Variants in AGBL1 observed in about 807,000 individuals in gnomAD.
AGBL1 encodes the protein AGBL carboxypeptidase 1.
In AGBL1, 130 loss-of-function variants were observed where a neutral mutation model predicts 118.9. The ratio of observed to expected loss-of-function variants is 1.09; its 90% CI spans 0.95 to 1.26. The LOEUF is 1.26. Among genes scored for constraint, AGBL1 ranks in the 50% most tolerant of loss-of-function variants. The probability of loss-of-function intolerance (pLI) is 0.00; values close to 1 mark genes in which losing one functional copy is unlikely to be tolerated. For synonymous variants in AGBL1, 555 were observed against 478.9 expected, an observed-to-expected ratio of 1.16 and a Z score of -2.08; for missense variants, 1,584 against 1,298.1, an observed-to-expected ratio of 1.22 and a Z score of -3.38.
chr15:86,683,019 G>A (rs991211332), intron 22 of AGBL1, among the ~76,000 whole-genome samples: 2 of 152,088 alleles, frequency 1.3e-5, no homozygotes, highest in African/African-American at 4.8e-5. Flanking sequence ...CTAACTCCAT[G>A]GCTCAAGTTC....
chr15:86,516,793 C>CAAAAA (rs3084324), intron 18 of AGBL1, among the ~76,000 whole-genome samples: 1 of 99,216 alleles, frequency 1.0e-5, no homozygotes, highest in African/African-American at 4.1e-5. Context: ...AACTCCATCT[C>CAAAAA]AAAAAAAAAA....
intron 17 of AGBL1, among the ~76,000 whole-genome samples, chr15:86,297,671 A>G (rs961728767): frequency 2.0e-5 from 3 of 152,140 alleles, no homozygotes; most frequent in Admixed American, 6.5e-5. Context: ...TGAAAATACT[A>G]TTTGTATGGA....
intron 22 of AGBL1, among the ~76,000 whole-genome samples, chr15:86,816,376 C>A (rs2078858543): frequency 6.6e-6 from 1 of 152,132 alleles, no homozygotes; most frequent in Non-Finnish European, 1.5e-5. Flanking sequence ...ACATTTGCAC[C>A]CGGCTATTTC....
In AGBL1 at chr15:86,271,701, T is replaced by C. The variant is rs780007421; in HGVS notation, c.2070T>C (p.Tyr690=). ...TAAGGACAGGCCATGAAATATGTTA[T>C]TACAAGTAAGTTAGAGCGCTGTTAG... ...TWIRTGHEIC[Y]YKNHYRQSTA... is the part of the protein sequence containing the mutation. The change falls in exon 15 of 23, where the codon TAT becomes TAC. Residue 690 remains tyrosine (Y), a synonymous_variant. Transcript: ENST00000614907. 5 of 1,612,008 alleles carry C rather than the reference T, an allele frequency of 3.1e-6. No individual in the cohort carries two copies. The East Asian group carries it at 8.9e-5, about 29-fold the overall frequency.
intron 17 of AGBL1, among the ~76,000 whole-genome samples, chr15:86,307,631 G>C (rs1195507435): frequency 1.3e-5 from 2 of 152,036 alleles, no homozygotes; most frequent in African/African-American, 4.8e-5. Context: ...GCAGCATAGG[G>C]TGGCGTGTGC....
chr15:86,875,691 T>C (rs1285857066), intron 22 of AGBL1, among the ~76,000 whole-genome samples: 8 of 152,182 alleles, frequency 5.3e-5, no homozygotes, highest in Non-Finnish European at 8.8e-5. Context: ...GGCCTCCATG[T>C]TCAAAGGCTG....
At chr15:86,892,098 G>A (rs1172190392) in intron 22 of AGBL1, among the ~76,000 whole-genome samples, 1 of 152,108 alleles carries the variant, frequency 6.6e-6, no homozygotes, top group African/African-American at 2.4e-5. Flanking sequence ...AGCACTTGCT[G>A]ATGAATTGAT....
At chr15:86,983,966 A>T (rs1040656423) in intron 23 of AGBL1, among the ~76,000 whole-genome samples, 1 of 152,128 alleles carries the variant, frequency 6.6e-6, no homozygotes, top group Non-Finnish European at 1.5e-5. Flanking sequence ...TTTCTTATTA[A>T]TTTGGATCCT....
chr15:86,707,796 A>G (rs1596389963), intron 22 of AGBL1, among the ~76,000 whole-genome samples: 1 of 152,164 alleles, frequency 6.6e-6, no homozygotes, highest in Non-Finnish European at 1.5e-5. Flanking sequence ...GCATTTTCCT[A>G]GAAGTAGAAG....
chr15:86,334,405 C>A (rs1429354614), intron 17 of AGBL1, among the ~76,000 whole-genome samples: 1 of 152,076 alleles, frequency 6.6e-6, no homozygotes, highest in Non-Finnish European at 1.5e-5. Flanking sequence ...ATCAAGAACA[C>A]AATCCAATTT....
At chr15:86,373,274 T>C (rs58566907) in intron 17 of AGBL1, among the ~76,000 whole-genome samples, 1 of 152,182 alleles carries the variant, frequency 6.6e-6, no homozygotes, top group Non-Finnish European at 1.5e-5. Context: ...CCTCTTATAA[T>C]GTGATTAATT....
chr15:86,657,357 G>C (rs1433391990), intron 21 of AGBL1, among the ~76,000 whole-genome samples: 2 of 152,172 alleles, frequency 1.3e-5, no homozygotes, highest in Non-Finnish European at 2.9e-5. Context: ...TTTCTGATTA[G>C]TATTCAGAAA....
intron 17 of AGBL1, among the ~76,000 whole-genome samples, chr15:86,356,024 T>G (rs1346622974): frequency 6.6e-6 from 1 of 152,156 alleles, no homozygotes; most frequent in Non-Finnish European, 1.5e-5. Flanking sequence ...AGTTGGGCAG[T>G]ATGTGTGCAC....
intron 15 of AGBL1, among the ~76,000 whole-genome samples, chr15:86,271,912 T>G (rs182681963): frequency 6.6e-6 from 1 of 152,372 alleles, no homozygotes; most frequent in East Asian, 1.9e-4. Context: ...AAATACCTTT[T>G]GATTGGCTGA....
chr15:86,861,669 T>C (rs1362111539), intron 22 of AGBL1, among the ~76,000 whole-genome samples: 1 of 152,244 alleles, frequency 6.6e-6, no homozygotes. Context: ...GTATTTAATA[T>C]GTGCTGGCAT....
At position 86,283,538 on chromosome 15, in the gene AGBL1, G is replaced by GAA. The variant is rs558491841; in HGVS notation, c.2220+3758_2220+3759dup. Among the ~76,000 whole-genome samples the GAA allele has an allele frequency of 9.9e-5, 15 of 151,912 alleles. No homozygotes were observed. In the South Asian group the frequency reaches 2.7e-3, roughly 27 times the overall value. On this transcript the variant is annotated intron_variant, in intron 16 of 22. Transcript: ENST00000614907. Reference sequence around the variant, plus strand: ...GAAGAAAGAAGAAGAAAGAAAGAAAGAAAAGAAAAGGAATTAGAATGCCAC... The same window carrying GAA: ...GAAGAAAGAAGAAGAAAGAAAGAAAGAAAAAAGAAAAGGAATTAGAATGCCAC...
At chr15:86,148,778 G>A (rs1393518059) in intron 3 of AGBL1, among the ~76,000 whole-genome samples, 4 of 151,968 alleles carry the variant, frequency 2.6e-5, no homozygotes, top group Admixed American at 6.6e-5. Context: ...TACAGAGAAC[G>A]CCACAAAGAT....
chr15:86,245,735 AG>A (rs910647895), intron 6 of AGBL1, among the ~76,000 whole-genome samples: 64 of 152,294 alleles, frequency 4.2e-4, no homozygotes, highest in African/African-American at 1.3e-3. Context: ...GATATGAGAA[AG>A]CTCCATACTA....
intron 6 of AGBL1, among the ~76,000 whole-genome samples, chr15:86,241,318 A>G (rs1037344505): frequency 2.0e-5 from 3 of 152,226 alleles, no homozygotes; most frequent in Admixed American, 2.0e-4. Context: ...TTTATTGAGC[A>G]CATACTTTAT....
Sources: gnomAD v4.1 joint callset for allele counts (sites outside exome capture counted in the v4.1 genomes callset) on GRCh38, gnomAD v4.1.1 for gene constraint, MANE v1.5 for transcripts, NCBI Gene and HGNC (gene_info 2026-07-23, HGNC 2026-07-21) for gene names.